PHF24: variants seen among roughly 807,000 people sequenced by gnomAD.
PHF24 encodes the protein Galpha inhibitory interacting protein.
Under a neutral mutation model 42.6 loss-of-function variants are expected in PHF24, and 25 were observed. The ratio of observed to expected loss-of-function variants is 0.59; its 90% CI spans 0.43 to 0.82. PHF24 has a LOEUF of 0.82. Among genes scored for constraint, PHF24 ranks in the 40% least tolerant of loss-of-function variants. The probability of loss-of-function intolerance (pLI) is 0.00; values close to 1 mark genes in which losing one functional copy is unlikely to be tolerated. For synonymous variants in PHF24, 185 were observed against 204.8 expected (o/e 0.90, Z 0.83); for missense variants, 470 against 538.1 (o/e 0.87, Z 1.25).
chr9:34,917,774 C>A, the PHF24 span: 2 of 1,026,776 alleles, frequency 1.9e-6, no homozygotes, highest in Non-Finnish European at 3.1e-6. Context: ...TCATGCCTCC[C>A]CAGTGAGAAT....
At chr9:34,689,491 C>CTT in the PHF24 span, 1 of 307,496 alleles carries the variant, frequency 3.3e-6, no homozygotes. The surrounding 1 kb of genome is among the most constrained non-coding windows in gnomAD (Gnocchi z 4.1). Context: ...GTGCCAGGTG[C>CTT]CTTTTTTTTT....
At chr9:34,695,735 C>G in the PHF24 span, among the ~76,000 whole-genome samples, 3 of 152,314 alleles carry the variant, frequency 2.0e-5, no homozygotes, top group East Asian at 5.8e-4. Flanking sequence ...GAAATCCCCA[C>G]ACACTTATGG....
At chr9:34,680,643 C>A in the PHF24 span, among the ~76,000 whole-genome samples, 1 of 145,120 alleles carries the variant, frequency 6.9e-6, no homozygotes, top group East Asian at 2.0e-4. Context: ...AGCCGAGATC[C>A]CGCCACTGCA....
At chr9:34,812,717 G>A in the PHF24 span, among the ~76,000 whole-genome samples, 5 of 152,302 alleles carry the variant, frequency 3.3e-5, no homozygotes, top group African/African-American at 9.6e-5. Flanking sequence ...GGGTGCTGAC[G>A]CTGTGATCTC....
chr9:34,943,815 T>C, the PHF24 span, among the ~76,000 whole-genome samples: 32 of 152,216 alleles, frequency 2.1e-4, no homozygotes, highest in Non-Finnish European at 4.3e-4. Flanking sequence ...CTCTATTACA[T>C]TGAAGCTCAT....
chr9:34,710,592 C>T, the PHF24 span, among the ~76,000 whole-genome samples: 9 of 151,786 alleles, frequency 5.9e-5, no homozygotes, highest in Non-Finnish European at 1.0e-4. Flanking sequence ...CTCAACCTCC[C>T]CAGGAGCTGG....
At chr9:34,965,236 C>A (rs1033585971) in intron 1 of PHF24, among the ~76,000 whole-genome samples, 5 of 152,164 alleles carry the variant, frequency 3.3e-5, no homozygotes, top group African/African-American at 1.2e-4. Flanking sequence ...ATCAAAGTGT[C>A]TTTTGTATAC....
At chr9:34,759,676 C>A in the PHF24 span, among the ~76,000 whole-genome samples, 1 of 152,308 alleles carries the variant, frequency 6.6e-6, no homozygotes, top group Admixed American at 6.5e-5. Context: ...TTAGCCTGAC[C>A]TCTTGCCCCC....
the PHF24 span, among the ~76,000 whole-genome samples, chr9:34,821,427 CCCTTT>C: frequency 6.6e-6 from 1 of 152,108 alleles, no homozygotes; most frequent in African/African-American, 2.4e-5. Context: ...TCTCAGGGTT[CCCTTT>C]CCTTTATGTT....
chr9:34,665,618 C>G, the PHF24 span: 1 of 701,452 alleles, frequency 1.4e-6, no homozygotes, highest in Non-Finnish European at 2.6e-6. Flanking sequence ...CTCACTCCTC[C>G]TCCGCCTCCA....
the PHF24 span, among the ~76,000 whole-genome samples, chr9:34,935,464 C>T: frequency 1.3e-5 from 2 of 151,838 alleles, no homozygotes. Context: ...CATGGTAGCA[C>T]GTGCCTGTAG....
At chr9:34,914,012 G>A in the PHF24 span, among the ~76,000 whole-genome samples, 1 of 131,948 alleles carries the variant, frequency 7.6e-6, no homozygotes, top group African/African-American at 3.3e-5. Context: ...AGCCTTTAGA[G>A]TTATTTGGCT....
At chr9:34,917,229 T>A in the PHF24 span, 2 of 1,369,460 alleles carry the variant, frequency 1.5e-6, no homozygotes, top group Non-Finnish European at 2.1e-6. Context: ...GGTGTACATA[T>A]CCCTGCCTCA....
At chr9:34,787,898 C>A in the PHF24 span, among the ~76,000 whole-genome samples, 2 of 152,152 alleles carry the variant, frequency 1.3e-5, no homozygotes, top group Non-Finnish European at 2.9e-5. Flanking sequence ...TTTACCATTT[C>A]CTCCCTTAGT....
the PHF24 span, among the ~76,000 whole-genome samples, chr9:34,949,529 A>C: frequency 2.0e-5 from 3 of 152,176 alleles, no homozygotes; most frequent in Non-Finnish European, 4.4e-5. Context: ...AAATCATTCT[A>C]CTATAAAGAC....
At chr9:34,799,241 C>T in the PHF24 span, among the ~76,000 whole-genome samples, 3 of 152,072 alleles carry the variant, frequency 2.0e-5, no homozygotes, top group East Asian at 1.9e-4. Context: ...ATATTCTGGG[C>T]ACTTGGGCTT....
the PHF24 span, chr9:34,894,549 C>T: frequency 2.5e-6 from 1 of 398,536 alleles, no homozygotes; most frequent in Non-Finnish European, 4.4e-6. Context: ...GGAGAGGATT[C>T]AGGGACATCC....
At chr9:34,889,087 T>C in the PHF24 span, 1 of 398,494 alleles carries the variant, frequency 2.5e-6, no homozygotes, top group East Asian at 3.6e-5. Context: ...GTACAAAGTA[T>C]ATTTGGAGAA....
chr9:34,918,352 C>CT, the PHF24 span: 2 of 739,678 alleles, frequency 2.7e-6, no homozygotes. Context: ...CACTCCAACT[C>CT]TTCCCCCTCT....
Sources: gnomAD v4.1 joint callset for allele counts (sites outside exome capture counted in the v4.1 genomes callset) on GRCh38, gnomAD v4.1.1 for gene constraint, Gnocchi (gnomAD v3.1) non-coding constraint, MANE v1.5 for transcripts, NCBI Gene and HGNC (gene_info 2026-07-23, HGNC 2026-07-21) for gene names.